CCDC150: variants seen among roughly 807,000 people sequenced by gnomAD.
The protein encoded by CCDC150 is coiled-coil domain-containing protein 150.
A neutral mutation model predicts 156.5 loss-of-function variants in CCDC150; 151 were observed. The observed-to-expected ratio is 0.97, with a 90% CI of 0.85 to 1.10. The LOEUF (loss-of-function observed/expected upper bound fraction) is 1.10. Among genes scored for constraint, CCDC150 ranks in the 50% least tolerant of loss-of-function variants. The pLI, the probability that CCDC150 is intolerant of heterozygous loss-of-function variation, is 0.00. For missense variants in CCDC150, 1,312 were observed against 1,268.1 expected, an observed-to-expected ratio of 1.03 and a Z score of -0.53; for synonymous variants, 452 against 429.4, an observed-to-expected ratio of 1.05 and a Z score of -0.65.
rs546101293 is a variant in CCDC150, at chr2:196,718,926, A to G, written c.1995+295A>G. ...TCTGATCTTGGTAATAATAACCTTT[A>G]TAGTTATGTTTTATTAATGTGGTGT... On this transcript the variant is annotated intron_variant, in intron 18 of 27. Coordinates refer to ENST00000389175, the MANE Select transcript of CCDC150 (RefSeq NM_001080539.2). Among the ~76,000 whole-genome samples, 9 of 151,170 alleles carry G rather than the reference A, an allele frequency of 6.0e-5. No individual in the cohort carries two copies. The South Asian group carries it at 1.9e-3, about 32-fold the overall frequency.
chr2:196,707,085 G>A (rs993065028), intron 15 of CCDC150, among the ~76,000 whole-genome samples: 7 of 152,298 alleles, frequency 4.6e-5, no homozygotes, highest in Middle Eastern at 3.4e-3. Context: ...CAGAAGGAAT[G>A]GTATCAGCTC....
intron 13 of CCDC150, among the ~76,000 whole-genome samples, chr2:196,683,551 TC>T (rs564784188): frequency 3.0e-4 from 46 of 152,254 alleles, no homozygotes; most frequent in African/African-American, 1.0e-3. Flanking sequence ...TCCCTCCATT[TC>T]TATTGTTGGG....
intron 15 of CCDC150, among the ~76,000 whole-genome samples, chr2:196,707,396 TA>T (rs1160106712): frequency 6.6e-6 from 1 of 152,164 alleles, no homozygotes; most frequent in Non-Finnish European, 1.5e-5. Context: ...GATTCTTCTC[TA>T]TTTTTTTCTT....
chr2:196,654,228 T>A (rs1053004359), intron 2 of CCDC150, among the ~76,000 whole-genome samples: 1 of 152,230 alleles, frequency 6.6e-6, no homozygotes, highest in Non-Finnish European at 1.5e-5. Flanking sequence ...TATGGAACTC[T>A]TGAGTTCATC....
At chr2:196,713,460 T>G (rs1697275172) in intron 17 of CCDC150, 2 of 1,550,852 alleles carry the variant, frequency 1.3e-6, no homozygotes, top group South Asian at 1.2e-5. Context: ...ACGTCATCAG[T>G]TGGTTTGCCT....
chr2:196,670,108 G>GT, intron 8 of CCDC150, among the ~76,000 whole-genome samples: 1 of 152,138 alleles, frequency 6.6e-6, no homozygotes, highest in Middle Eastern at 3.4e-3. Context: ...ACTTATTTGT[G>GT]TTTTTTGCCT....
chr2:196,687,210 T>G (rs1695173423), intron 13 of CCDC150, among the ~76,000 whole-genome samples: 1 of 152,236 alleles, frequency 6.6e-6, no homozygotes. Context: ...ATGGTTGAAC[T>G]AATTTACACT....
chr2:196,665,767 C>T (rs1378093111), intron 6 of CCDC150, 84 bp downstream of exon 6: 1 of 651,460 alleles, frequency 1.5e-6, no homozygotes, highest in African/African-American at 1.9e-5. Context: ...TAAAATTTTA[C>T]TAATTGCCTC....
chr2:196,685,817 G>A (rs1364272772), intron 13 of CCDC150, among the ~76,000 whole-genome samples: 1 of 151,948 alleles, frequency 6.6e-6, no homozygotes, highest in East Asian at 1.9e-4. Flanking sequence ...GTTTCACCTT[G>A]TTATCCAGGG....
intron 21 of CCDC150, among the ~76,000 whole-genome samples, chr2:196,723,287 G>A (rs1698029224): frequency 6.6e-6 from 1 of 152,184 alleles, no homozygotes; most frequent in Non-Finnish European, 1.5e-5. Context: ...CGGATCACGA[G>A]GTCAGGAGAT....
At chr2:196,655,065 A>G (rs1318519023) in intron 2 of CCDC150, among the ~76,000 whole-genome samples, 1 of 152,222 alleles carries the variant, frequency 6.6e-6, no homozygotes, top group Non-Finnish European at 1.5e-5. Flanking sequence ...TGCATGTTCC[A>G]GTTCCTTCTA....
rs182620208 is a variant in CCDC150, at chr2:196,662,256, A to T, written c.646-3311A>T. Reference sequence around the variant, plus strand: ...TTCTAAGCTTAAAAAGAATAAAATTATAAAATGGTCAATAGATTTGACCAC... The same window carrying T: ...TTCTAAGCTTAAAAAGAATAAAATTTTAAAATGGTCAATAGATTTGACCAC... On this transcript the variant is annotated intron_variant, in intron 5 of 27. Coordinates refer to ENST00000389175, the MANE Select transcript of CCDC150 (RefSeq NM_001080539.2). 2.6e-5 allele frequency among the ~76,000 whole-genome samples: 4 copies of T among 152,352 alleles called. No homozygotes were observed. In the East Asian group the frequency reaches 7.7e-4, roughly 29 times the overall value.
rs1480687038 is a variant in CCDC150 at position 196,719,623 on chromosome 2, C to G, written c.2122C>G (p.Leu708Val). ...TGCTCTGGAGAAAGTACAAATAGAGCTTGGGCGGAGGGATTCAGAGATTGC... is the reference window on the plus strand; with the variant it reads ...TGCTCTGGAGAAAGTACAAATAGAGGTTGGGCGGAGGGATTCAGAGATTGC... ...QGALEKVQIELGRRDSEIAGL... is the reference protein window; with the variant it reads ...QGALEKVQIEVGRRDSEIAGL... The change falls in exon 19 of 28, where the codon CTT becomes GTT. Residue 708 changes from leucine (L) to valine (V), a missense_variant. Leu to Val is a conservative substitution (Grantham distance 32). Coordinates refer to ENST00000389175, the MANE Select transcript of CCDC150 (RefSeq NM_001080539.2). 1 of 1,612,268 alleles carries G rather than the reference C, an allele frequency of 6.2e-7. No individual in the cohort carries two copies. The highest frequency in any genetic ancestry group is 2.2e-5 in the East Asian group (1 of 44,760).
At chr2:196,659,964 G>A (rs1301742780) in intron 5 of CCDC150, among the ~76,000 whole-genome samples, 1 of 152,100 alleles carries the variant, frequency 6.6e-6, no homozygotes, top group Non-Finnish European at 1.5e-5. Flanking sequence ...AATGCCCTGT[G>A]TTCCACCTAC....
In CCDC150 at chr2:196,721,631, A is replaced by T. The variant is rs1484622951; in HGVS notation, c.2369A>T (p.Asp790Val). Residue 790 changes from aspartate (D) to valine (V), a missense_variant, in exon 21 of 28, where the codon GAT becomes GTT. Physicochemically the swap from Asp to Val is radical, Grantham distance 152. Coordinates refer to ENST00000389175, the MANE Select transcript of CCDC150 (RefSeq NM_001080539.2). ...QTNNHLQTKL[D>V]HIQEQLESKE... ...AATAATCATCTGCAAACAAAGCTAG[A>T]TCACATTCAAGAGCAATTGGAAAGC... 6.2e-7 allele frequency: 1 copy of T among 1,605,150 alleles called. No individual in the cohort carries two copies. The highest frequency in any genetic ancestry group is 1.7e-5 in the Admixed American group (1 of 58,618).
chr2:196,662,059 C>T (rs75653173), intron 5 of CCDC150, among the ~76,000 whole-genome samples: 1,596 of 152,146 alleles, frequency 0.01, 9 homozygotes, highest in Middle Eastern at 0.02. Context: ...ATATCTTGAA[C>T]AAATTATAGT....
At chr2:196,641,503 A>G (rs1415186006) in intron 1 of CCDC150, among the ~76,000 whole-genome samples, 5 of 152,202 alleles carry the variant, frequency 3.3e-5, no homozygotes, top group Non-Finnish European at 7.3e-5. Flanking sequence ...CACCCTGTTT[A>G]AAATGAAAAT....
chr2:196,678,946 A>T (rs1694660040), intron 13 of CCDC150, among the ~76,000 whole-genome samples: 1 of 152,198 alleles, frequency 6.6e-6, no homozygotes, highest in African/African-American at 2.4e-5. Flanking sequence ...TGCTGTGAAT[A>T]TGTTTGAGAT....
chr2:196,675,685 A>G (rs1694455472), intron 10 of CCDC150, among the ~76,000 whole-genome samples: 1 of 152,176 alleles, frequency 6.6e-6, no homozygotes, highest in Non-Finnish European at 1.5e-5. Flanking sequence ...TTCACAGCAA[A>G]CTGTTAAACA....
Sources: allele counts gnomAD v4.1 joint callset (sites outside exome capture counted in the v4.1 genomes callset), GRCh38; gene constraint gnomAD v4.1.1; transcripts MANE v1.5; gene names NCBI Gene and HGNC (gene_info 2026-07-23, HGNC 2026-07-21).